Variants in KCND2 observed in about 807,000 individuals in gnomAD.
The protein encoded by KCND2 is A-type voltage-gated potassium channel KCND2.
KCND2 carries 16 observed loss-of-function variants against 54.4 expected under a neutral mutation model. The ratio of observed to expected loss-of-function variants is 0.29; its 90% CI spans 0.20 to 0.45. The LOEUF (loss-of-function observed/expected upper bound fraction) is 0.45. Among genes scored for constraint, KCND2 ranks in the 20% least tolerant of loss-of-function variants. The pLI, the probability that KCND2 is intolerant of heterozygous loss-of-function variation, is 1.00. For synonymous variants in KCND2, 317 were observed against 310.7 expected (o/e 1.02, Z -0.21); for missense variants, 486 against 824.2 (o/e 0.59, Z 5.02).
chr7:120,523,277 A>AATTTTATGCAAAATT (rs1791722516), intron 1 of KCND2, among the ~76,000 whole-genome samples: 1 of 152,144 alleles, frequency 6.6e-6, no homozygotes, highest in South Asian at 2.1e-4. Context: ...CCACAAAAAT[A>AATTTTATGCAAAATT]ATTTTATGCA....
chr7:120,670,042 T>C (rs779323238), intron 1 of KCND2, among the ~76,000 whole-genome samples: 47 of 151,968 alleles, frequency 3.1e-4, no homozygotes, highest in Non-Finnish European at 3.1e-4. Flanking sequence ...AGGCTACATA[T>C]TGGGAACAGT....
chr7:120,551,339 T>C (rs946756492), intron 1 of KCND2, among the ~76,000 whole-genome samples: 1 of 152,242 alleles, frequency 6.6e-6, no homozygotes, highest in Non-Finnish European at 1.5e-5. Flanking sequence ...GGATATATAA[T>C]TCACAAGTTT....
At chr7:120,679,621 T>C (rs1792114938) in intron 1 of KCND2, among the ~76,000 whole-genome samples, 1 of 152,102 alleles carries the variant, frequency 6.6e-6, no homozygotes. Flanking sequence ...GCTCTTTTAA[T>C]TATTATTTCT....
At chr7:120,590,003 T>TTTTTTG (rs113887678) in intron 1 of KCND2, among the ~76,000 whole-genome samples, 36 of 152,222 alleles carry the variant, frequency 2.4e-4, no homozygotes, top group South Asian at 6.2e-4. Context: ...GTTATTTCCT[T>TTTTTTG]TTTTTGTTTT....
intron 1 of KCND2, among the ~76,000 whole-genome samples, chr7:120,581,310 T>C (rs1792512126): frequency 1.3e-5 from 2 of 152,222 alleles, no homozygotes; most frequent in South Asian, 4.1e-4. Flanking sequence ...TATTGAAATA[T>C]TTAGTATCTG....
intron 1 of KCND2, among the ~76,000 whole-genome samples, chr7:120,486,953 G>A (rs184123582): frequency 6.6e-5 from 10 of 152,078 alleles, no homozygotes; most frequent in Admixed American, 1.3e-4. Context: ...ATGCTGCCAC[G>A]GAACAATTTC....
intron 1 of KCND2, among the ~76,000 whole-genome samples, chr7:120,703,225 C>A (rs1167466295): frequency 6.6e-6 from 1 of 152,128 alleles, no homozygotes; most frequent in Non-Finnish European, 1.5e-5. Flanking sequence ...ACCCTGCAAC[C>A]AATTCCCTGT....
In KCND2 at chr7:120,619,426, A is replaced by T. The variant is rs143388953; in HGVS notation, c.1116-113477A>T. Among the ~76,000 whole-genome samples the T allele has an allele frequency of 6.6e-5, 10 of 152,332 alleles. No individual in the cohort carries two copies. In the East Asian group the frequency reaches 1.7e-3, roughly 26 times the overall value. ...GACCCTGTTGAAAAGAAGAAAAAAG[A>T]AATTATTAACATGTTAGAAAACAAA... On this transcript the variant is annotated intron_variant, in intron 1 of 5. Transcript: ENST00000331113.
At chr7:120,686,445 C>T (rs890505011) in intron 1 of KCND2, among the ~76,000 whole-genome samples, 3 of 152,160 alleles carry the variant, frequency 2.0e-5, no homozygotes, top group South Asian at 2.1e-4. Flanking sequence ...CAAATCCATA[C>T]AGTTCTGCAG....
chr7:120,590,517 G>A (rs1052858295), intron 1 of KCND2, among the ~76,000 whole-genome samples: 1 of 152,216 alleles, frequency 6.6e-6, no homozygotes, highest in African/African-American at 2.4e-5. Flanking sequence ...TGTAAGGGAT[G>A]CGCTTCCAGG....
At chr7:120,346,967 A>G (rs1470465791) in intron 1 of KCND2, among the ~76,000 whole-genome samples, 3 of 152,154 alleles carry the variant, frequency 2.0e-5, no homozygotes, top group African/African-American at 7.2e-5. Context: ...CCTTCCCTCT[A>G]AGGGATTATA....
At chr7:120,742,326 T>C in intron 3 of KCND2, 184 bp from the exon 4 acceptor site, 2 of 604,610 alleles carry the variant, frequency 3.3e-6, no homozygotes, top group South Asian at 3.7e-5. Context: ...AGACCATTCA[T>C]TTGATGAAAT....
intron 1 of KCND2, among the ~76,000 whole-genome samples, chr7:120,502,420 C>T (rs1802950273): frequency 6.6e-6 from 1 of 151,998 alleles, no homozygotes; most frequent in Admixed American, 6.6e-5. Context: ...GGCAAGAAGG[C>T]TCTATCTTCC....
chr7:120,634,691 C>T (rs985835546), intron 1 of KCND2, among the ~76,000 whole-genome samples: 1 of 152,208 alleles, frequency 6.6e-6, no homozygotes, highest in African/African-American at 2.4e-5. Flanking sequence ...CTCCACTGCA[C>T]AGCCAAAGTG....
chr7:120,450,269 G>T (rs1242448373), intron 1 of KCND2, among the ~76,000 whole-genome samples: 2 of 152,142 alleles, frequency 1.3e-5, no homozygotes, highest in Non-Finnish European at 2.9e-5. Flanking sequence ...TATTAGCTGG[G>T]CATGGTGACA....
intron 1 of KCND2, among the ~76,000 whole-genome samples, chr7:120,480,999 A>G (rs1012499364): frequency 6.6e-6 from 1 of 152,214 alleles, no homozygotes. Flanking sequence ...TGAGTATTCA[A>G]AAGAAAAGAA....
chr7:120,451,078 C>A (rs1028475401), intron 1 of KCND2, among the ~76,000 whole-genome samples: 1 of 152,182 alleles, frequency 6.6e-6, no homozygotes, highest in Non-Finnish European at 1.5e-5. Context: ...CAAAGCATCA[C>A]CTACCCTCTT....
intron 1 of KCND2, among the ~76,000 whole-genome samples, chr7:120,319,131 G>A (rs1034332982): frequency 6.6e-6 from 1 of 151,764 alleles, no homozygotes; most frequent in Non-Finnish European, 1.5e-5. Flanking sequence ...TCTAAGCTGC[G>A]TTTCCTTCCC....
chr7:120,414,267 A>G (rs924158036), intron 1 of KCND2, among the ~76,000 whole-genome samples: 1 of 152,112 alleles, frequency 6.6e-6, no homozygotes, highest in African/African-American at 2.4e-5. Flanking sequence ...TATATTTGAA[A>G]AGAGTTTAAG....
Sources: gnomAD v4.1 joint callset for allele counts (sites outside exome capture counted in the v4.1 genomes callset) on GRCh38, gnomAD v4.1.1 for gene constraint, MANE v1.5 for transcripts, NCBI Gene and HGNC (gene_info 2026-07-23, HGNC 2026-07-21) for gene names.